The following RGS7 variants were observed in gnomAD, a reference collection of about 807,000 sequenced individuals.
The protein encoded by RGS7 is regulator of G protein signaling 7.
A neutral mutation model predicts 81.1 loss-of-function variants in RGS7; 27 were observed. That is an observed-to-expected ratio of 0.33 (90% CI 0.25 to 0.46). The LOEUF is 0.46. Among genes scored for constraint, RGS7 ranks in the 20% least tolerant of loss-of-function variants. The pLI, the probability that RGS7 is intolerant of heterozygous loss-of-function variation, is 1.00. For synonymous variants in RGS7, 208 were observed against 207.7 expected, an observed-to-expected ratio of 1.00 and a Z score of -0.01; for missense variants, 396 against 607.4, an observed-to-expected ratio of 0.65 and a Z score of 3.66.
intron 2 of RGS7, among the ~76,000 whole-genome samples, chr1:241,146,530 G>T (rs1032830419): frequency 1.3e-5 from 2 of 152,162 alleles, no homozygotes; most frequent in Non-Finnish European, 2.9e-5. Flanking sequence ...CAAAATGCCA[G>T]CATCAGAAGA....
chr1:241,030,373 T>TATATATATATATATATACACACACACAC (rs374223475), intron 3 of RGS7, among the ~76,000 whole-genome samples: 1 of 135,186 alleles, frequency 7.4e-6, no homozygotes, highest in African/African-American at 2.8e-5. Context: ...TATATATATA[T>TATATATATATATATATACACACACACAC]ACATACACAC....
At chr1:241,199,053 C>A (rs1304640707) in intron 2 of RGS7, among the ~76,000 whole-genome samples, 2 of 151,622 alleles carry the variant, frequency 1.3e-5, no homozygotes, top group African/African-American at 2.4e-5. Context: ...ATGTAATTCA[C>A]CATATGAAGA....
At chr1:240,851,924 G>A (rs1050505675) in intron 9 of RGS7, among the ~76,000 whole-genome samples, 1 of 152,202 alleles carries the variant, frequency 6.6e-6, no homozygotes, top group Non-Finnish European at 1.5e-5. Flanking sequence ...TGTTTCTTAA[G>A]ATGAAATCTA....
At chr1:240,843,706 T>A (rs1435864072) in intron 9 of RGS7, among the ~76,000 whole-genome samples, 1 of 152,224 alleles carries the variant, frequency 6.6e-6, no homozygotes, top group African/African-American at 2.4e-5. Flanking sequence ...GTTTTTTGTA[T>A]TTGAGAGAGG....
chr1:240,948,787 G>A (rs2148426874), intron 4 of RGS7, among the ~76,000 whole-genome samples: 1 of 150,916 alleles, frequency 6.6e-6, no homozygotes, highest in Middle Eastern at 3.5e-3. Flanking sequence ...TCCATCTCCA[G>A]ATGGCATCTG....
At chr1:241,302,137 G>C (rs1368456679) in intron 2 of RGS7, among the ~76,000 whole-genome samples, 4 of 152,234 alleles carry the variant, frequency 2.6e-5, no homozygotes, top group Non-Finnish European at 5.9e-5. Context: ...ATTCTGAGCA[G>C]AGACAGCAGC....
chr1:240,980,370 G>A (rs780921948), intron 4 of RGS7, among the ~76,000 whole-genome samples: 19 of 152,058 alleles, frequency 1.2e-4, no homozygotes, highest in Non-Finnish European at 2.6e-4. Flanking sequence ...CTTCCATCTT[G>A]CCACAAAACC....
chr1:240,787,762 A>G (rs1340759642), intron 18 of RGS7, among the ~76,000 whole-genome samples: 6 of 152,236 alleles, frequency 3.9e-5, no homozygotes, highest in African/African-American at 1.4e-4. Flanking sequence ...AACATACACT[A>G]AAGTGAATAA....
At chr1:241,289,285 T>G (rs1236345077) in intron 2 of RGS7, among the ~76,000 whole-genome samples, 1 of 152,160 alleles carries the variant, frequency 6.6e-6, no homozygotes, top group Non-Finnish European at 1.5e-5. Flanking sequence ...AAGCACAGTT[T>G]CCCCTCTTTC....
chr1:240,871,168 CT>C (rs1428972673), intron 6 of RGS7, among the ~76,000 whole-genome samples: 16 of 152,300 alleles, frequency 1.1e-4, no homozygotes, highest in African/African-American at 3.6e-4. Flanking sequence ...TTGTTTTTCA[CT>C]AAATATGCAT....
intron 4 of RGS7, among the ~76,000 whole-genome samples, chr1:240,948,679 G>T (rs958110336): frequency 1.3e-5 from 2 of 151,970 alleles, no homozygotes; most frequent in African/African-American, 4.8e-5. Context: ...CTGACCTCAG[G>T]TGATCCGCCT....
intron 9 of RGS7, among the ~76,000 whole-genome samples, chr1:240,830,640 C>T (rs1326680783): frequency 6.6e-6 from 1 of 152,302 alleles, no homozygotes; most frequent in Non-Finnish European, 1.5e-5. Flanking sequence ...TTGAAACCTA[C>T]CCTTCAAATA....
intron 2 of RGS7, among the ~76,000 whole-genome samples, chr1:241,269,178 A>G (rs1558256525): frequency 6.6e-6 from 1 of 152,226 alleles, no homozygotes; most frequent in South Asian, 2.1e-4. Flanking sequence ...GGAAGAGTTG[A>G]CAGACTCGTG....
chr1:240,975,973 A>G (rs926756947), intron 4 of RGS7, among the ~76,000 whole-genome samples: 5 of 152,216 alleles, frequency 3.3e-5, no homozygotes, highest in African/African-American at 1.2e-4. Context: ...GTCTTAGTGG[A>G]TGAGGCAATA....
chr1:241,213,722 A>T (rs1178018245), intron 2 of RGS7, among the ~76,000 whole-genome samples: 1 of 152,238 alleles, frequency 6.6e-6, no homozygotes, highest in Non-Finnish European at 1.5e-5. Flanking sequence ...ATACTTTGTC[A>T]TTAATGTACT....
intron 3 of RGS7, among the ~76,000 whole-genome samples, chr1:241,029,585 C>G (rs1178109857): frequency 6.6e-6 from 1 of 152,180 alleles, no homozygotes; most frequent in African/African-American, 2.4e-5. Context: ...AATGTTACAA[C>G]ATCTGAACAA....
intron 4 of RGS7, among the ~76,000 whole-genome samples, chr1:240,982,741 G>C (rs1428255961): frequency 6.6e-6 from 1 of 152,164 alleles, no homozygotes; most frequent in African/African-American, 2.4e-5. Flanking sequence ...GTGTCTTATA[G>C]AAGGAAAGTT....
At chr1:241,199,326 C>T (rs2073319904) in intron 2 of RGS7, among the ~76,000 whole-genome samples, 1 of 151,828 alleles carries the variant, frequency 6.6e-6, no homozygotes, top group Non-Finnish European at 1.5e-5. Context: ...GGTGTGGTGG[C>T]ATGCCTATAG....
chr1:241,286,616 A>T (rs886360779), intron 2 of RGS7, among the ~76,000 whole-genome samples: 1 of 152,192 alleles, frequency 6.6e-6, no homozygotes, highest in Non-Finnish European at 1.5e-5. Flanking sequence ...AGTCTGATTC[A>T]ACCTCGGAAC....
Sources: allele counts gnomAD v4.1 joint callset (sites outside exome capture counted in the v4.1 genomes callset), GRCh38; gene constraint gnomAD v4.1.1; transcripts MANE v1.5; gene names NCBI Gene and HGNC (gene_info 2026-07-23, HGNC 2026-07-21).